ZWILCH: variants seen among roughly 807,000 people sequenced by gnomAD.
ZWILCH encodes zwilch kinetochore protein.
In ZWILCH, 74 loss-of-function variants were observed where a neutral mutation model predicts 79.9. The ratio of observed to expected loss-of-function variants is 0.93; its 90% CI spans 0.77 to 1.12. ZWILCH has a LOEUF of 1.12. Among genes scored for constraint, ZWILCH ranks in the 50% most tolerant of loss-of-function variants. The pLI, the probability that ZWILCH is intolerant of heterozygous loss-of-function variation, is 0.00. For synonymous variants in ZWILCH, 241 were observed against 228.2 expected (o/e 1.06, Z -0.51); for missense variants, 694 against 687.5 (o/e 1.01, Z -0.11).
intron 4 of ZWILCH, among the ~76,000 whole-genome samples, chr15:66,517,093 A>G (rs1894290863): frequency 6.6e-6 from 1 of 152,152 alleles, no homozygotes; most frequent in African/African-American, 2.4e-5. Context: ...AAATAAAAAC[A>G]TAAGCCACAT....
At chr15:66,539,795 A>G (rs1895135515) in intron 16 of ZWILCH, among the ~76,000 whole-genome samples, 1 of 152,000 alleles carries the variant, frequency 6.6e-6, no homozygotes, top group Non-Finnish European at 1.5e-5. Context: ...CAGCTCACAC[A>G]TCACAGCCTC....
rs567555752 is a variant in ZWILCH at position 66,518,183 on chromosome 15, G to A, written c.321-696G>A. Among the ~76,000 whole-genome samples the A allele has an allele frequency of 2.1e-3, 323 of 151,872 alleles. 1 individual carries two copies. Among genetic ancestry groups the A allele is most frequent in the African/African-American group, 7.0e-3 (291 of 41,360 alleles). On this transcript the variant is annotated intron_variant, in intron 4 of 18. Transcript: ENST00000307897. The stretch of plus-strand genomic sequence containing the variant: ...GTCATACTCTGTCACTTTCTGGTGC[G>A]TGCATTTTGATCTGCCTGGTGAATC...
chr15:66,508,597 T>C (rs1413385263), intron 1 of ZWILCH: 2 of 575,158 alleles, frequency 3.5e-6, no homozygotes, highest in African/African-American at 1.9e-5. Context: ...TTGTACCCAA[T>C]TGAGGGCAAC....
At chr15:66,512,752 CACCCAGCACCAT>C (rs1894115151) in intron 2 of ZWILCH, among the ~76,000 whole-genome samples, 2 of 152,078 alleles carry the variant, frequency 1.3e-5, no homozygotes, top group African/African-American at 2.4e-5. Context: ...GAATTATAGG[CACCCAGCACCAT>C]GCCCAGCTAA....
Position 66,505,335 on chromosome 15 carries a change from C to A in ZWILCH, c.-4C>A, listed in dbSNP as rs780137639. The A allele has an allele frequency of 6.2e-7, 1 of 1,613,548 alleles. No individual in the cohort carries two copies. Among genetic ancestry groups the A allele is most frequent in the African/African-American group, 1.3e-5 (1 of 74,932 alleles). On this transcript the variant is annotated 5_prime_UTR_variant, in exon 1 of 19. Transcript: ENST00000307897. ...TTCCGGTACCGCTCTCACATTGGGGCGGGATGTGGGAGCGGCTGAACTGCG... is the reference window on the plus strand; with the variant it reads ...TTCCGGTACCGCTCTCACATTGGGGAGGGATGTGGGAGCGGCTGAACTGCG...
At chr15:66,540,999 T>C (rs1895173619) in intron 17 of ZWILCH, among the ~76,000 whole-genome samples, 1 of 150,194 alleles carries the variant, frequency 6.7e-6, no homozygotes, top group East Asian at 2.0e-4. Flanking sequence ...AGAAAACTGC[T>C]GGGCCCGGTG....
chr15:66,505,348 C>T lies in ZWILCH; in HGVS notation c.10C>T (p.Arg4Trp), dbSNP rs147940200. MWE[R>W]LNCAAEDFYS... is the part of the protein sequence containing the mutation. ...CTCACATTGGGGCGGGATGTGGGAG[C>T]GGCTGAACTGCGCAGCAGAGGACTT... Residue 4 changes from arginine to tryptophan, a missense_variant, in exon 1 of 19, where the codon CGG becomes TGG. Coordinates refer to ENST00000307897, the MANE Select transcript of ZWILCH (RefSeq NM_017975.5). The T allele has an allele frequency of 1.2e-6, 2 of 1,613,786 alleles. No homozygotes were observed. The highest frequency in any genetic ancestry group is 1.7e-6 in the Non-Finnish European group (2 of 1,180,002).
At chr15:66,532,769 T>C (rs1288904266) in intron 13 of ZWILCH, among the ~76,000 whole-genome samples, 1 of 151,952 alleles carries the variant, frequency 6.6e-6, no homozygotes, top group African/African-American at 2.4e-5. Context: ...TATTAGTATA[T>C]ATTTATGGTA....
At chr15:66,527,959 A>C in intron 10 of ZWILCH, 47 bp downstream of exon 10, 1 of 1,506,748 alleles carries the variant, frequency 6.6e-7, no homozygotes, top group Non-Finnish European at 9.0e-7. Context: ...ATAGCTTTTA[A>C]AATTCGGTTA....
rs987354345 is a variant in ZWILCH, at chr15:66,548,891, T to A, written c.*567T>A. 5.5e-6 allele frequency: 1 copy of A among 182,248 alleles called. No individual in the cohort carries two copies. Among genetic ancestry groups the A allele is most frequent in the Non-Finnish European group, 1.1e-5 (1 of 87,530 alleles). 11.3% of individuals were successfully genotyped at this position (182,248 alleles called of 1,614,324 possible). ...CTCTCAATACTTATACTTTCTAAAT[T>A]CATCTCAGAATATTAGCAGCCATAT... On this transcript the variant is annotated 3_prime_UTR_variant, in exon 19 of 19. Transcript: ENST00000307897.
intron 1 of ZWILCH, among the ~76,000 whole-genome samples, chr15:66,507,212 C>T (rs920212594): frequency 2.6e-5 from 4 of 152,094 alleles, no homozygotes; most frequent in African/African-American, 9.7e-5. Flanking sequence ...TTTTTTCCCC[C>T]ACTACTGGGA....
At chr15:66,531,525 A>G (rs1894852795) in intron 12 of ZWILCH, among the ~76,000 whole-genome samples, 1 of 151,852 alleles carries the variant, frequency 6.6e-6, no homozygotes, top group Non-Finnish European at 1.5e-5. Context: ...CAGTGCTGTG[A>G]TCTCGGCTCA....
At chr15:66,520,942 C>T (rs1015778029) in intron 6 of ZWILCH, 108 bp from the exon 7 acceptor site, 28 of 1,196,878 alleles carry the variant, frequency 2.3e-5, no homozygotes, top group South Asian at 1.5e-4. Flanking sequence ...AAAAGTATGG[C>T]GTGTGTGCTC....
chr15:66,508,628 A>G, intron 1 of ZWILCH: 1 of 903,168 alleles, frequency 1.1e-6, no homozygotes, highest in African/African-American at 1.7e-5. Flanking sequence ...TCTCTGTCAC[A>G]GTTTTCTTTT....
In ZWILCH at chr15:66,505,359, C is replaced by G. The variant is rs770824598; in HGVS notation, c.21C>G (p.Cys7Trp). The G allele has an allele frequency of 2.0e-5, 32 of 1,613,946 alleles. No homozygotes were observed. The highest frequency in any genetic ancestry group is 2.7e-5 in the Non-Finnish European group (32 of 1,180,018). Reference sequence around the variant, plus strand: ...GCGGGATGTGGGAGCGGCTGAACTGCGCAGCAGAGGACTTTTATTCTCGTC... The same window carrying G: ...GCGGGATGTGGGAGCGGCTGAACTGGGCAGCAGAGGACTTTTATTCTCGTC... MWERLNCAAEDFYSRLL... is the reference protein window; with the variant it reads MWERLNWAAEDFYSRLL... Residue 7 changes from cysteine to tryptophan, a missense_variant, in exon 1 of 19, where the codon TGC becomes TGG. Coordinates refer to ENST00000307897, the MANE Select transcript of ZWILCH (RefSeq NM_017975.5).
In ZWILCH at chr15:66,529,492, A is replaced by G; in HGVS notation, c.1076-2A>G. On this transcript the variant is annotated splice_acceptor_variant, in intron 11 of 18. Transcript: ENST00000307897. LOFTEE classifies it high-confidence loss of function. ...TAATGTTACACTGACTTGTTTTCCA[A>G]GGTGTGATTTCATACCAAGACTTGG... 1 of 1,611,448 alleles carries G rather than the reference A, an allele frequency of 6.2e-7. No individual in the cohort carries two copies. Among genetic ancestry groups the G allele is most frequent in the East Asian group, 2.2e-5 (1 of 44,854 alleles).
rs542424145 is a variant in ZWILCH, at chr15:66,513,481, G to A, written c.106-507G>A. ...CTGGGGAGGCTGAGATGGGAGGATT[G>A]CTTGAGCCCAGGAGTTTGAGGCTGT... On this transcript the variant is annotated intron_variant, in intron 2 of 18. Transcript: ENST00000307897. Among the ~76,000 whole-genome samples, 14 of 152,088 alleles carry A rather than the reference G, an allele frequency of 9.2e-5. No homozygotes were observed. In the East Asian group the frequency reaches 2.0e-3, roughly 22 times the overall value.
chr15:66,525,487 T>C (rs1270156170), intron 8 of ZWILCH, among the ~76,000 whole-genome samples: 1 of 152,194 alleles, frequency 6.6e-6, no homozygotes, highest in Non-Finnish European at 1.5e-5. Context: ...CCCCCATACA[T>C]ATACAATTCT....
chr15:66,524,493 A>G (rs1297836755), intron 8 of ZWILCH: 1 of 151,976 alleles, frequency 6.6e-6, no homozygotes, highest in Admixed American at 6.6e-5. Context: ...GTCATACTCT[A>G]TCATCTTCTG....
Sources: allele counts gnomAD v4.1 joint callset (sites outside exome capture counted in the v4.1 genomes callset), GRCh38; gene constraint gnomAD v4.1.1; transcripts MANE v1.5; gene names NCBI Gene and HGNC (gene_info 2026-07-23, HGNC 2026-07-21).